Variants in MRPL13 observed in about 807,000 individuals in gnomAD.
MRPL13 encodes the protein mitochondrial ribosomal protein L13.
MRPL13 carries 33 observed loss-of-function variants against 29.0 expected under a neutral mutation model. That is an observed-to-expected ratio of 1.14 (90% CI 0.86 to 1.52). The LOEUF is 1.52. MRPL13 is among the 40% of genes most tolerant of loss of function. The probability of loss-of-function intolerance (pLI) is 0.00; values close to 1 mark genes in which losing one functional copy is unlikely to be tolerated. For missense variants in MRPL13, 227 were observed against 216.7 expected, an observed-to-expected ratio of 1.05 and a Z score of -0.30; for synonymous variants, 77 against 68.4, an observed-to-expected ratio of 1.13 and a Z score of -0.62.
intron 1 of MRPL13, among the ~76,000 whole-genome samples, chr8:120,444,597 C>G (rs1346770121): frequency 2.0e-5 from 3 of 152,172 alleles, no homozygotes; most frequent in East Asian, 1.9e-4. Context: ...TAACACCCTC[C>G]AAACATATTC....
intron 1 of MRPL13, among the ~76,000 whole-genome samples, chr8:120,444,130 C>CTAA (rs1376909250): frequency 2.0e-5 from 3 of 151,408 alleles, no homozygotes; most frequent in Non-Finnish European, 4.4e-5. Context: ...CCATTGTAGA[C>CTAA]TAATAGTTTG....
chr8:120,439,309 A>G (rs1813089760), intron 2 of MRPL13, among the ~76,000 whole-genome samples: 1 of 152,164 alleles, frequency 6.6e-6, no homozygotes, highest in Admixed American at 6.5e-5. Flanking sequence ...TGGTATACTG[A>G]GTGCTATTTA....
chr8:120,440,915 G>C (rs1286587223), intron 2 of MRPL13, among the ~76,000 whole-genome samples: 1 of 151,984 alleles, frequency 6.6e-6, no homozygotes, highest in Non-Finnish European at 1.5e-5. Flanking sequence ...AAACAGGATG[G>C]AGTACAGCAG....
intron 6 of MRPL13, among the ~76,000 whole-genome samples, chr8:120,413,757 A>G (rs559039028): frequency 6.6e-6 from 1 of 152,236 alleles, no homozygotes; most frequent in African/African-American, 2.4e-5. Flanking sequence ...AATACTTGAT[A>G]ATTATAGGAA....
intron 4 of MRPL13, among the ~76,000 whole-genome samples, chr8:120,420,818 G>A (rs148415416): frequency 0.017 from 2,646 of 151,828 alleles, 34 homozygotes; most frequent in Middle Eastern, 0.031. Context: ...GTGTTACACG[G>A]CATTTGATTT....
At chr8:120,430,794 A>G (rs906812426) in intron 3 of MRPL13, among the ~76,000 whole-genome samples, 17 of 152,204 alleles carry the variant, frequency 1.1e-4, no homozygotes, top group African/African-American at 4.1e-4. Context: ...CTACCAGCTG[A>G]CGTACACATT....
rs5894521 is a variant in MRPL13, at chr8:120,443,318, GAAAAA to G, written c.28-15_28-11del. On this transcript the variant is annotated splice_polypyrimidine_tract_variant and intron_variant, in intron 1 of 6. Coordinates refer to ENST00000306185, the MANE Select transcript of MRPL13 (RefSeq NM_014078.6). Reference sequence around the variant, plus strand: ...CAAAAGTGGCCCATTGCTTGGGGGGGAAAAAAAAAAAAAAGAAGAGGAAAAAATAA... The same window carrying G: ...CAAAAGTGGCCCATTGCTTGGGGGGGAAAAAAAAAGAAGAGGAAAAAATAA... The G allele has an allele frequency of 2.2e-5, 30 of 1,374,084 alleles. No individual in the cohort carries two copies. The highest frequency in any genetic ancestry group is 4.3e-5 in the South Asian group (3 of 69,406). The allele number at this position is 1,374,084 out of a possible 1,614,324, so 85.1% of individuals were successfully genotyped here.
At chr8:120,435,307 T>C (rs1813041111) in intron 2 of MRPL13, among the ~76,000 whole-genome samples, 1 of 152,086 alleles carries the variant, frequency 6.6e-6, no homozygotes, top group Admixed American at 6.6e-5. Context: ...ACAGATTATT[T>C]TGTCACCTAG....
At chr8:120,411,241 T>C (rs1254572484) in intron 6 of MRPL13, among the ~76,000 whole-genome samples, 1 of 152,088 alleles carries the variant, frequency 6.6e-6, no homozygotes, top group Non-Finnish European at 1.5e-5. Flanking sequence ...TTTTTGTTTT[T>C]TGTTTTTGTA....
intron 2 of MRPL13, among the ~76,000 whole-genome samples, chr8:120,437,172 C>T (rs1028722150): frequency 2.6e-5 from 4 of 152,168 alleles, no homozygotes; most frequent in Non-Finnish European, 5.9e-5. Context: ...AATTAAAATG[C>T]TGTGATATTA....
At chr8:120,438,194 T>G (rs1472252968) in intron 2 of MRPL13, among the ~76,000 whole-genome samples, 11 of 152,052 alleles carry the variant, frequency 7.2e-5, no homozygotes, top group Admixed American at 7.2e-4. Context: ...AAACCATGTC[T>G]CTACGAAAAC....
intron 6 of MRPL13, among the ~76,000 whole-genome samples, chr8:120,398,532 C>T (rs1812548780): frequency 6.6e-6 from 1 of 152,102 alleles, no homozygotes; most frequent in Non-Finnish European, 1.5e-5. Flanking sequence ...CAGATAAGCC[C>T]ACAAAGATGA....
rs113704349 is a variant in MRPL13, at chr8:120,398,936, AAC to A, written c.516-2813_516-2812del. On this transcript the variant is annotated intron_variant, in intron 6 of 6. Transcript: ENST00000306185. ...AGACAATAATACACACACACACACA[AAC>A]ACACACACACACACACAGAATGAAA... Among the ~76,000 whole-genome samples the A allele has an allele frequency of 1.5e-3, 221 of 149,118 alleles. 1 individual carries two copies. The highest frequency in any genetic ancestry group is 2.1e-3 in the Non-Finnish European group (141 of 66,850).
At position 120,426,527 on chromosome 8, in the gene MRPL13, G is replaced by A. The variant is rs548379147; in HGVS notation, c.246-1161C>T. On this transcript the variant is annotated intron_variant, in intron 3 of 6. Transcript: ENST00000306185. ...AAAAATATTTTACAATTTCTATGCT[G>A]AAAGATGATCTTTCTAGTTTGAAAA... is the stretch of plus-strand genomic sequence containing the variant. 9.8e-4 allele frequency among the ~76,000 whole-genome samples: 149 copies of A among 152,166 alleles called. 3 individuals carry two copies. The highest frequency in any genetic ancestry group is 6.8e-3 in the Middle Eastern group (2 of 294).
intron 5 of MRPL13, among the ~76,000 whole-genome samples, chr8:120,419,483 A>C (rs776433103): frequency 1.3e-4 from 20 of 151,936 alleles, no homozygotes; most frequent in Non-Finnish European, 2.2e-4. Context: ...TGATTCACAG[A>C]AGTTTTGCTA....
At position 120,430,194 on chromosome 8, in the gene MRPL13, G is replaced by A. The variant is rs566687453; in HGVS notation, c.245+1836C>T. Among the ~76,000 whole-genome samples the A allele has an allele frequency of 1.1e-3, 162 of 152,170 alleles. 1 individual carries two copies. The highest frequency in any genetic ancestry group is 3.2e-3 in the African/African-American group (133 of 41,524). ...GGAGAATTGCTTGAACCTGGGAGGC[G>A]GAGGTTGCAGTGAGCCAAGATCGTA... On this transcript the variant is annotated intron_variant, in intron 3 of 6. Coordinates refer to ENST00000306185, the MANE Select transcript of MRPL13 (RefSeq NM_014078.6).
At chr8:120,426,843 C>T (rs1484437858) in intron 3 of MRPL13, among the ~76,000 whole-genome samples, 3 of 152,046 alleles carry the variant, frequency 2.0e-5, no homozygotes, top group Non-Finnish European at 2.9e-5. Context: ...ATAAATATGA[C>T]AAAATCCTGT....
At chr8:120,436,126 T>C (rs748384453) in intron 2 of MRPL13, among the ~76,000 whole-genome samples, 4 of 152,064 alleles carry the variant, frequency 2.6e-5, no homozygotes, top group Non-Finnish European at 4.4e-5. Context: ...TAAAGAGTAA[T>C]AGGGTGAAGC....
Position 120,430,997 on chromosome 8 carries a change from T to C in MRPL13, c.245+1033A>G, listed in dbSNP as rs143773499. 5.6e-3 allele frequency among the ~76,000 whole-genome samples: 855 copies of C among 152,314 alleles called. 12 individuals carry two copies. Among genetic ancestry groups the C allele is most frequent in the African/African-American group, 0.02 (814 of 41,576 alleles). On this transcript the variant is annotated intron_variant, in intron 3 of 6. Transcript: ENST00000306185. The stretch of plus-strand genomic sequence containing the variant: ...AATTTTGTAGAACTTGGTTTATACA[T>C]AGAGATCTGCCAATAGCTGAAATTA...
Sources: gnomAD v4.1 joint callset for allele counts (sites outside exome capture counted in the v4.1 genomes callset) on GRCh38, gnomAD v4.1.1 for gene constraint, MANE v1.5 for transcripts, NCBI Gene and HGNC (gene_info 2026-07-23, HGNC 2026-07-21) for gene names.